Variants in HDAC4 observed in about 807,000 individuals in gnomAD.
HDAC4 encodes histone deacetylase 4.
In HDAC4, 16 loss-of-function variants were observed where a neutral mutation model predicts 135.1. The ratio of observed to expected loss-of-function variants is 0.12; its 90% CI spans 0.08 to 0.18. HDAC4 has a LOEUF of 0.18. Ranked by LOEUF, HDAC4 falls within the 10% of genes least tolerant of loss-of-function variation. The pLI is 1.00. For synonymous variants in HDAC4, 685 were observed against 653.4 expected (o/e 1.05, Z -0.74); for missense variants, 1,143 against 1,511.8 (o/e 0.76, Z 4.05).
At position 239,357,718 on chromosome 2, in the gene HDAC4, G is replaced by A. The variant is rs756945566; in HGVS notation, c.-219-4800C>T. Among the ~76,000 whole-genome samples, 307 of 138,458 alleles carry A rather than the reference G, an allele frequency of 2.2e-3. 1 individual carries two copies. The highest frequency in any genetic ancestry group is 2.2e-3 in the Non-Finnish European group (141 of 65,090). The allele number at this position is 138,458 out of a possible 152,430, so 90.8% of individuals were successfully genotyped here. On this transcript the variant is annotated intron_variant, in intron 1 of 26. Transcript: ENST00000543185. ...GGGCAACATTGTGAAACCCTGTCTCGACAAAAAATAATAAAAAAAAATAAG... is the reference window on the plus strand; with the variant it reads ...GGGCAACATTGTGAAACCCTGTCTCAACAAAAAATAATAAAAAAAAATAAG...
rs140033784 is a variant in HDAC4, at chr2:239,383,301, T to G, written c.-220+17677A>C. ...CTGCTCTGAGCCCTGCACCTTCCCG[T>G]AAAGTGCATAACCACTGAGCAGATC... On this transcript the variant is annotated intron_variant, in intron 1 of 26. Transcript: ENST00000543185. 1.6e-3 allele frequency among the ~76,000 whole-genome samples: 236 copies of G among 152,172 alleles called. 1 individual carries two copies. Among genetic ancestry groups the G allele is most frequent in the African/African-American group, 5.3e-3 (222 of 41,540 alleles).
At chr2:239,119,984 G>A (rs936976246) in intron 12 of HDAC4, among the ~76,000 whole-genome samples, 2 of 141,234 alleles carry the variant, frequency 1.4e-5, no homozygotes, top group African/African-American at 4.9e-5. Flanking sequence ...GCCAGAGAAG[G>A]CAGTGGGGAC....
At chr2:239,136,547 G>A (rs915920615) in intron 9 of HDAC4, among the ~76,000 whole-genome samples, 1 of 152,182 alleles carries the variant, frequency 6.6e-6, no homozygotes, top group Non-Finnish European at 1.5e-5. Context: ...CTGGGACTCT[G>A]CTCAACTAAA....
At chr2:239,118,350 C>A (rs946319939) in intron 12 of HDAC4, among the ~76,000 whole-genome samples, 17 of 152,326 alleles carry the variant, frequency 1.1e-4, no homozygotes, top group Non-Finnish European at 2.4e-4. Context: ...GGAAATGGAG[C>A]CAGGTCCAGC....
At chr2:239,144,533 G>A (rs1205708975) in intron 8 of HDAC4, 50 bp downstream of exon 8, 3 of 1,611,210 alleles carry the variant, frequency 1.9e-6, no homozygotes, top group African/African-American at 1.3e-5. Context: ...ATGGCAGGAA[G>A]GCCTGGCAGA....
At chr2:239,114,482 T>G (rs111680688) in intron 13 of HDAC4, among the ~76,000 whole-genome samples, 3 of 152,218 alleles carry the variant, frequency 2.0e-5, no homozygotes, top group Non-Finnish European at 4.4e-5. Context: ...AGAAGTTTAA[T>G]GTTTCAATGG....
intron 18 of HDAC4, among the ~76,000 whole-genome samples, chr2:239,089,504 T>A (rs1468741285): frequency 6.6e-6 from 1 of 152,130 alleles, no homozygotes; most frequent in Non-Finnish European, 1.5e-5. Context: ...ATTTTTGTAT[T>A]TCAGTAGAGA....
chr2:239,160,989 G>A lies in HDAC4; in HGVS notation c.611+2814C>T, dbSNP rs566228704. On this transcript the variant is annotated intron_variant, in intron 6 of 26. Coordinates refer to ENST00000543185, the MANE Select transcript of HDAC4 (RefSeq NM_001378414.1). ...CTGTTTCACTCCGGCCATCCCCACAGGTATGAAGGGGCTGCTTGCCGCAGT... is the reference window on the plus strand; with the variant it reads ...CTGTTTCACTCCGGCCATCCCCACAAGTATGAAGGGGCTGCTTGCCGCAGT... Among the ~76,000 whole-genome samples, 5 of 152,284 alleles carry A rather than the reference G, an allele frequency of 3.3e-5. No homozygotes were observed. The East Asian group carries it at 9.6e-4, about 29-fold the overall frequency.
At chr2:239,250,092 G>T (rs1234777045) in intron 2 of HDAC4, among the ~76,000 whole-genome samples, 3 of 152,350 alleles carry the variant, frequency 2.0e-5, no homozygotes, top group Admixed American at 2.0e-4. Flanking sequence ...CTCTCCCATC[G>T]GAATTGCAGG....
chr2:239,266,512 G>C (rs2049740872), intron 2 of HDAC4, among the ~76,000 whole-genome samples: 1 of 152,186 alleles, frequency 6.6e-6, no homozygotes, highest in Admixed American at 6.5e-5. Flanking sequence ...GACAAATGAG[G>C]CTAACAATTA....
intron 2 of HDAC4, among the ~76,000 whole-genome samples, chr2:239,343,804 G>T (rs1475031378): frequency 6.6e-6 from 1 of 152,206 alleles, no homozygotes; most frequent in Non-Finnish European, 1.5e-5. Flanking sequence ...GAAGGTGACC[G>T]ATTCTAGCGG....
At chr2:239,375,306 C>T (rs2126026966) in intron 1 of HDAC4, among the ~76,000 whole-genome samples, 1 of 151,458 alleles carries the variant, frequency 6.6e-6, no homozygotes, top group East Asian at 2.0e-4. Flanking sequence ...GGCCTGCGGA[C>T]TCCGCCCACC....
intron 1 of HDAC4, among the ~76,000 whole-genome samples, chr2:239,385,370 G>A (rs1484696146): frequency 6.6e-6 from 1 of 152,232 alleles, no homozygotes; most frequent in South Asian, 2.1e-4. Context: ...GGGCCTCCGG[G>A]TCACCTCCGA....
chr2:239,056,482 G>T (rs1342059769), intron 24 of HDAC4, among the ~76,000 whole-genome samples: 1 of 152,244 alleles, frequency 6.6e-6, no homozygotes, highest in Non-Finnish European at 1.5e-5. Context: ...CAGGGCCAGA[G>T]CAGGAACCAG....
At chr2:239,385,654 T>C (rs1467728342) in intron 1 of HDAC4, among the ~76,000 whole-genome samples, 3 of 152,188 alleles carry the variant, frequency 2.0e-5, no homozygotes, top group Non-Finnish European at 4.4e-5. Flanking sequence ...CGCCTGTCCC[T>C]GATTCTACAG....
intron 8 of HDAC4, among the ~76,000 whole-genome samples, chr2:239,143,646 A>G (rs2041555115): frequency 6.6e-6 from 1 of 152,308 alleles, no homozygotes; most frequent in Non-Finnish European, 1.5e-5. Context: ...AGAAACAGGC[A>G]GGGCCCTGTA....
chr2:239,399,284 G>A (rs1383780948), intron 1 of HDAC4, among the ~76,000 whole-genome samples: 3 of 152,186 alleles, frequency 2.0e-5, no homozygotes, highest in Admixed American at 1.3e-4. Flanking sequence ...TTATAATAGA[G>A]TAATTGTGTT....
At chr2:239,229,965 A>G (rs566790669) in intron 3 of HDAC4, among the ~76,000 whole-genome samples, 5 of 152,282 alleles carry the variant, frequency 3.3e-5, no homozygotes, top group African/African-American at 1.2e-4. Context: ...ATAGCCACTC[A>G]AAATAGGTGG....
chr2:239,254,820 T>G (rs537335511), intron 2 of HDAC4, among the ~76,000 whole-genome samples: 13 of 152,346 alleles, frequency 8.5e-5, no homozygotes, highest in Admixed American at 2.0e-4. Context: ...TAAATAAGTG[T>G]GAATCGACAT....
Sources: allele counts gnomAD v4.1 joint callset (sites outside exome capture counted in the v4.1 genomes callset), GRCh38; gene constraint gnomAD v4.1.1; transcripts MANE v1.5; gene names NCBI Gene and HGNC (gene_info 2026-07-23, HGNC 2026-07-21).